Variants in RLIG1 observed in about 807,000 individuals in gnomAD.
The protein encoded by RLIG1 is RNA ligase 1.
the RLIG1 span, among the ~76,000 whole-genome samples, chr12:88,037,381 G>GCCCCTC: frequency 6.6e-6 from 1 of 151,824 alleles, no homozygotes; most frequent in Non-Finnish European, 1.5e-5. Flanking sequence ...GGTGGAGAAG[G>GCCCCTC]AGAACTTTGT....
chr12:88,035,682 C>T, the RLIG1 span: 1 of 1,608,856 alleles, frequency 6.2e-7, no homozygotes, highest in South Asian at 1.1e-5. Flanking sequence ...GCGGAAAATG[C>T]CGTGTGTGTT....
At chr12:88,042,881 A>G in the RLIG1 span, 2 of 1,573,682 alleles carry the variant, frequency 1.3e-6, no homozygotes, top group Non-Finnish European at 1.7e-6. Flanking sequence ...AGCTGAAAAA[A>G]GATTTAAAAA....
the RLIG1 span, chr12:88,042,914 C>A: frequency 6.5e-7 from 1 of 1,548,182 alleles, no homozygotes; most frequent in Non-Finnish European, 8.7e-7. Flanking sequence ...AAAAGAAAAC[C>A]CAAAAGGTTA....
At chr12:88,040,018 A>G in the RLIG1 span, 176 of 669,102 alleles carry the variant, frequency 2.6e-4, no homozygotes, top group African/African-American at 2.8e-3. Flanking sequence ...ATATTTTTAA[A>G]TCATTCTGAA....
the RLIG1 span, among the ~76,000 whole-genome samples, chr12:88,038,360 T>G: frequency 6.6e-6 from 1 of 152,310 alleles, no homozygotes; most frequent in Middle Eastern, 3.4e-3. Flanking sequence ...CAAGCTTTGT[T>G]GAATGAGTTA....
chr12:88,039,719 T>C, the RLIG1 span, among the ~76,000 whole-genome samples: 1 of 152,326 alleles, frequency 6.6e-6, no homozygotes, highest in Admixed American at 6.5e-5. Flanking sequence ...CATTATATTA[T>C]GCATTGTGCT....
chr12:88,048,649 T>G, the RLIG1 span: 6 of 304,002 alleles, frequency 2.0e-5, no homozygotes, highest in African/African-American at 1.3e-4. Context: ...CTCCTAAGCT[T>G]GGACAAAGGC....
the RLIG1 span, chr12:88,048,381 C>A: frequency 5.7e-6 from 9 of 1,569,558 alleles, no homozygotes; most frequent in Non-Finnish European, 7.8e-6. Context: ...AATAGATAAT[C>A]AGAAATTTGT....
chr12:88,036,761 C>T, the RLIG1 span, among the ~76,000 whole-genome samples: 1 of 152,202 alleles, frequency 6.6e-6, no homozygotes, highest in East Asian at 1.9e-4. Flanking sequence ...TTACTTGCCA[C>T]TCAGACTGAT....
the RLIG1 span, chr12:88,049,093 ATAC>A: frequency 1.3e-5 from 9 of 683,074 alleles, no homozygotes; most frequent in Admixed American, 2.5e-4. Flanking sequence ...TGAGAAGGAA[ATAC>A]TACAGTTCGG....
At chr12:88,040,032 T>G in the RLIG1 span, 1 of 697,620 alleles carries the variant, frequency 1.4e-6, no homozygotes, top group South Asian at 1.6e-5. Flanking sequence ...TTCTGAAAGA[T>G]GAACTGGAGA....
At chr12:88,046,870 A>G in the RLIG1 span, 4 of 1,613,168 alleles carry the variant, frequency 2.5e-6, no homozygotes, top group Non-Finnish European at 3.4e-6. Flanking sequence ...CAAATAAGAA[A>G]TCTACCTTCA....
the RLIG1 span, chr12:88,035,993 C>T: frequency 5.3e-6 from 8 of 1,508,824 alleles, no homozygotes; most frequent in Non-Finnish European, 7.1e-6. Flanking sequence ...AACTTGTCCT[C>T]GCAAGGAAAT....
At chr12:88,044,284 AAAG>A in the RLIG1 span, 1 of 152,938 alleles carries the variant, frequency 6.5e-6, no homozygotes, top group Admixed American at 6.5e-5. Context: ...AAAAACAACA[AAAG>A]AAGAGGGAAT....
At chr12:88,042,937 C>T in the RLIG1 span, 14 of 1,466,544 alleles carry the variant, frequency 9.5e-6, no homozygotes, top group East Asian at 2.9e-4. Context: ...TTTTTTTTAA[C>T]TTTTCATGTT....
chr12:88,042,790 G>A, the RLIG1 span: 3 of 1,337,398 alleles, frequency 2.2e-6, no homozygotes, highest in Non-Finnish European at 2.0e-6. Context: ...AGTTTTGTTT[G>A]CATCATACTT....
chr12:88,046,939 G>T, the RLIG1 span: 1 of 1,612,072 alleles, frequency 6.2e-7, no homozygotes, highest in South Asian at 1.1e-5. Flanking sequence ...AAAATTGAAG[G>T]AATAGTGTGG....
the RLIG1 span, among the ~76,000 whole-genome samples, chr12:88,038,457 CTG>C: frequency 1.3e-5 from 2 of 152,098 alleles, no homozygotes; most frequent in African/African-American, 2.4e-5. Context: ...TGTCAGGTAA[CTG>C]TGAAGAAAAC....
At chr12:88,041,376 T>G in the RLIG1 span, among the ~76,000 whole-genome samples, 1 of 152,206 alleles carries the variant, frequency 6.6e-6, no homozygotes, top group Non-Finnish European at 1.5e-5. Context: ...GCTTTCATCT[T>G]TTGACTATTG....
Sources: allele counts gnomAD v4.1 joint callset (sites outside exome capture counted in the v4.1 genomes callset), GRCh38; gene constraint gnomAD v4.1.1; transcripts MANE v1.5; gene names NCBI Gene and HGNC (gene_info 2026-07-23, HGNC 2026-07-21).